The following SEPTIN3 variants were observed in gnomAD, a reference collection of about 807,000 sequenced individuals.
The protein encoded by SEPTIN3 is neuronal-specific septin-3.
A neutral mutation model predicts 45.1 loss-of-function variants in SEPTIN3; 15 were observed. The ratio of observed to expected loss-of-function variants is 0.33; its 90% CI spans 0.22 to 0.51. SEPTIN3 has a LOEUF of 0.51. Among genes scored for constraint, SEPTIN3 ranks in the 20% least tolerant of loss-of-function variants. SEPTIN3 has a pLI of 0.97. For missense variants in SEPTIN3, 289 were observed against 457.2 expected (o/e 0.63, Z 3.35); for synonymous variants, 148 against 164.8 (o/e 0.90, Z 0.78).
chr22:41,993,553 G>C (rs2078360638), intron 9 of SEPTIN3, among the ~76,000 whole-genome samples: 4 of 152,074 alleles, frequency 2.6e-5, no homozygotes, highest in Admixed American at 2.6e-4. Flanking sequence ...ATGGAGTTTT[G>C]TCATGTTGGT....
intron 9 of SEPTIN3, 88 bp downstream of exon 9, chr22:41,992,851 T>C: frequency 1.1e-6 from 1 of 885,386 alleles, no homozygotes. Context: ...AGGCACTGTC[T>C]CAGGACATAT....
intron 8 of SEPTIN3, among the ~76,000 whole-genome samples, 175 bp downstream of exon 8, chr22:41,991,843 A>G (rs1007804267): frequency 1.3e-5 from 2 of 152,062 alleles, no homozygotes; most frequent in South Asian, 2.1e-4. Flanking sequence ...CTGTGAACCC[A>G]CAGAAGGGCT....
chr22:41,974,536 G>C (rs377632228), intron 2 of SEPTIN3, among the ~76,000 whole-genome samples: 3 of 151,486 alleles, frequency 2.0e-5, no homozygotes, highest in Admixed American at 2.0e-4. Context: ...GGTGGTGGGT[G>C]CCTGTAGTCC....
At chr22:41,989,795 C>A in intron 7 of SEPTIN3, 111 bp downstream of exon 7, 1 of 706,232 alleles carries the variant, frequency 1.4e-6, no homozygotes, top group Non-Finnish European at 2.5e-6. Context: ...ACCCTCAACC[C>A]TCCCCCAATT....
At chr22:41,989,807 T>G (rs931728834) in intron 7 of SEPTIN3, 123 bp downstream of exon 7, 3 of 647,870 alleles carry the variant, frequency 4.6e-6, no homozygotes, top group Non-Finnish European at 8.3e-6. Context: ...CCCCCAATTC[T>G]CCACCCCAGC....
intron 1 of SEPTIN3, among the ~76,000 whole-genome samples, 170 bp downstream of exon 1, chr22:41,969,847 G>T (rs2077940758): frequency 6.6e-6 from 1 of 152,062 alleles, no homozygotes. Flanking sequence ...CTGTGTGTGG[G>T]TGTGCACACT....
Position 41,976,701 on chromosome 22 carries a change from G to A in SEPTIN3, c.1504+3705G>A, listed in dbSNP as rs1248654156. ...CCTGGACCGCCCGCAGCGTGGACCC[G>A]GGACCAGTTCCCGCTTGCGGGCGCG... is the stretch of plus-strand genomic sequence containing the variant. On this transcript the variant is annotated intron_variant, in intron 2 of 11. Transcript: ENST00000644076. The surrounding 1 kb of genome is among the most constrained non-coding windows in gnomAD (Gnocchi z 5.8). 1 of 152,638 alleles carries A rather than the reference G, an allele frequency of 6.6e-6. No homozygotes were observed. Among genetic ancestry groups the A allele is most frequent in the East Asian group, 1.9e-4 (1 of 5,174 alleles). The allele number at this position is 152,638 out of a possible 1,614,324, so 9.5% of individuals were successfully genotyped here. A position where few individuals can be genotyped will look rare whatever the true frequency, so the allele number is the denominator to read the frequency against.
chr22:41,991,549 C>G, intron 7 of SEPTIN3, 24 bp from the exon 8 acceptor site: 1 of 1,554,650 alleles, frequency 6.4e-7, no homozygotes, highest in Non-Finnish European at 8.9e-7. Context: ...ACTTGACTAC[C>G]TTGTTTCTTC....
intron 11 of SEPTIN3, chr22:41,995,677 C>T: frequency 6.1e-6 from 6 of 985,398 alleles, no homozygotes; most frequent in Non-Finnish European, 4.8e-6. Flanking sequence ...CACAAAACTA[C>T]AGGACAGTAC....
At chr22:41,992,870 T>A in intron 9 of SEPTIN3, 107 bp downstream of exon 9, 1 of 763,210 alleles carries the variant, frequency 1.3e-6, no homozygotes, top group Non-Finnish European at 2.3e-6. Context: ...ATGAAATGAA[T>A]GCCAGCCAGA....
In SEPTIN3 at chr22:41,974,860, G is replaced by GAAAAAA. The variant is rs55642127; in HGVS notation, c.1504+1887_1504+1892dup. 1.4e-3 allele frequency among the ~76,000 whole-genome samples: 101 copies of GAAAAAA among 74,302 alleles called. 11 individuals carry two copies. The highest frequency in any genetic ancestry group is 4.4e-3 in the African/African-American group (87 of 19,602). The allele number at this position is 74,302 out of a possible 152,430, so 48.7% of individuals were successfully genotyped here. ...ACAGAGCGAGACTCTGTCTCAAAAAGAAAAAAAAAAAAAAAAAAAAAAAAA... is the reference window on the plus strand; with the variant it reads ...ACAGAGCGAGACTCTGTCTCAAAAAGAAAAAAAAAAAAAAAAAAAAAAAAAAAAAAA... On this transcript the variant is annotated intron_variant, in intron 2 of 11. Transcript: ENST00000644076.
chr22:41,994,085 G>A lies in SEPTIN3; in HGVS notation c.2360-205G>A, dbSNP rs1331321174. Among the ~76,000 whole-genome samples the A allele has an allele frequency of 1.3e-5, 2 of 152,148 alleles. No homozygotes were observed. The highest frequency in any genetic ancestry group is 2.1e-4 in the South Asian group (1 of 4,832). On this transcript the variant is annotated intron_variant, in intron 9 of 11. Transcript: ENST00000644076. The surrounding 1 kb of genome is among the most constrained non-coding windows in gnomAD (Gnocchi z 4.2). Reference sequence around the variant, plus strand: ...ATGCCACAGCGTCTAGAAGGATGTCGTGCCCATTGTAGCTGCTTAATATTT... The same window carrying A: ...ATGCCACAGCGTCTAGAAGGATGTCATGCCCATTGTAGCTGCTTAATATTT...
rs1215328739 is a variant in SEPTIN3, at chr22:41,996,953, C to A, written c.2557C>A (p.Pro853Thr). The part of the protein sequence containing the change: ...VLPPVPATPC[P>T]TAE ...TCCACCTGTGCCAGCCACCCCCTGC[C>A]CCACTGCTGAATGAAGGCCATTTCA... Residue 853 changes from proline to threonine, a missense_variant, in exon 12 of 12, where the codon CCC becomes ACC. This residue lies in a region of SEPTIN3 where 84 missense variants were observed against 114.7 expected (regional missense o/e 0.73). Transcript: ENST00000644076. 1 of 1,613,936 alleles carries A rather than the reference C, an allele frequency of 6.2e-7. No individual in the cohort carries two copies. The highest frequency in any genetic ancestry group is 8.5e-7 in the Non-Finnish European group (1 of 1,179,952).
At chr22:41,986,914 T>C (rs1236285361) in intron 4 of SEPTIN3, among the ~76,000 whole-genome samples, 8 of 152,028 alleles carry the variant, frequency 5.3e-5, no homozygotes, top group Admixed American at 2.6e-4. Context: ...AGTTCGAGGC[T>C]ACAGTGAGCT....
intron 7 of SEPTIN3, 140 bp downstream of exon 7, chr22:41,989,824 C>A: frequency 1.6e-6 from 1 of 614,506 alleles, no homozygotes; most frequent in Non-Finnish European, 2.9e-6. Context: ...CAGCCCCCTT[C>A]TTAACCATTC....
intron 6 of SEPTIN3, among the ~76,000 whole-genome samples, chr22:41,989,082 A>G (rs2078256628): frequency 6.8e-6 from 1 of 147,266 alleles, no homozygotes; most frequent in South Asian, 2.2e-4. Flanking sequence ...GCCAATGACC[A>G]TATCACTGCA....
chr22:41,986,779 G>T (rs1244526998), intron 4 of SEPTIN3, among the ~76,000 whole-genome samples: 1 of 152,086 alleles, frequency 6.6e-6, no homozygotes, highest in Non-Finnish European at 1.5e-5. Flanking sequence ...GGGATAACAG[G>T]CGTGAGCAAC....
At position 41,987,709 on chromosome 22, in the gene SEPTIN3, T is replaced by C; in HGVS notation, c.1995T>C (p.Pro665=). ...EVNIARKKRI[P]DTRVHCCLYF... is the part of the protein sequence containing the mutation. ...ACATCGCCAGGAAGAAACGCATCCC[T>C]GACACTCGTGTCCACTGCTGCCTTT... The change falls in exon 6 of 12, where the codon CCT becomes CCC. Residue 665 remains proline (P), a synonymous_variant. Coordinates refer to ENST00000644076, the MANE Select transcript of SEPTIN3 (RefSeq NM_001363845.2). 6.2e-7 allele frequency: 1 copy of C among 1,614,112 alleles called. No individual in the cohort carries two copies. Among genetic ancestry groups the C allele is most frequent in the Non-Finnish European group, 8.5e-7 (1 of 1,179,968 alleles).
intron 3 of SEPTIN3, 25 bp from the exon 4 acceptor site, chr22:41,985,959 A>G (rs1258484276): frequency 1.3e-6 from 2 of 1,586,234 alleles, no homozygotes; most frequent in African/African-American, 2.7e-5. Context: ...GAGTCTCCCT[A>G]CCTCCTCCTC....
Sources: gnomAD v4.1 joint callset for allele counts (sites outside exome capture counted in the v4.1 genomes callset) on GRCh38, gnomAD v4.1.1 for gene constraint, gnomAD v4.1.1 regional missense constraint, Gnocchi (gnomAD v3.1) non-coding constraint, MANE v1.5 for transcripts, NCBI Gene and HGNC (gene_info 2026-07-23, HGNC 2026-07-21) for gene names.